BTBD1: variants seen among roughly 807,000 people sequenced by gnomAD.
BTBD1 encodes BTB/POZ domain-containing protein 1.
A neutral mutation model predicts 48.0 loss-of-function variants in BTBD1; 34 were observed. That is an observed-to-expected ratio of 0.71 (90% CI 0.54 to 0.94). The LOEUF (loss-of-function observed/expected upper bound fraction) is 0.94, where lower values mean the gene tolerates loss of function less well. Ranked by LOEUF, BTBD1 falls within the 40% of genes least tolerant of loss-of-function variation. The probability of loss-of-function intolerance (pLI) is 0.00; values close to 1 mark genes in which losing one functional copy is unlikely to be tolerated. For missense variants in BTBD1, 543 were observed against 625.6 expected (o/e 0.87, Z 1.41); for synonymous variants, 261 against 242.1 (o/e 1.08, Z -0.72).
In BTBD1 at chr15:83,041,925, T is replaced by C. The variant is rs1401779075; in HGVS notation, c.665A>G (p.Asp222Gly). 1.9e-6 allele frequency: 3 copies of C among 1,613,748 alleles called. No individual in the cohort carries two copies. Among genetic ancestry groups the C allele is most frequent in the East Asian group, 2.2e-5 (1 of 44,882 alleles). Residue 222 changes from aspartate (D) to glycine (G), a missense_variant and splice_region_variant, in exon 4 of 8, where the codon GAT becomes GGT. Around this residue, in one of 3 missense-constraint regions of BTBD1, gnomAD observed 300 missense variants for 350.0 expected, o/e 0.86. Transcript: ENST00000261721. Reference sequence around the variant, plus strand: ...TCTCTCTAAAACTGCACAGAGTGTATCTATAGGCAAAATACAAAATAAACC... The same window carrying C: ...TCTCTCTAAAACTGCACAGAGTGTACCTATAGGCAAAATACAAAATAAACC... ...SAEGFTDIDI[D>G]TLCAVLERDT... is the part of the protein sequence containing the mutation.
intron 2 of BTBD1, among the ~76,000 whole-genome samples, chr15:83,050,718 A>G (rs997477122): frequency 5.3e-5 from 8 of 152,126 alleles, no homozygotes; most frequent in African/African-American, 1.4e-4. Flanking sequence ...TTTTGAGGAG[A>G]GAATAGGGTA....
At position 83,032,969 on chromosome 15, in the gene BTBD1, C is replaced by CAAAAAAAAA. The variant is rs56152195; in HGVS notation, c.863-2650_863-2642dup. On this transcript the variant is annotated intron_variant, in intron 4 of 7. Coordinates refer to ENST00000261721, the MANE Select transcript of BTBD1 (RefSeq NM_025238.4). ...GCTGGGTGACAGTCTTACTCTGTCT[C>CAAAAAAAAA]AAAAAAAAAAAAAAAAAAACAGAAT... Among the ~76,000 whole-genome samples, 92 of 86,974 alleles carry CAAAAAAAAA rather than the reference C, an allele frequency of 1.1e-3. 5 individuals are homozygous for CAAAAAAAAA. The highest frequency in any genetic ancestry group is 3.5e-3 in the African/African-American group (71 of 20,066). 57.1% of individuals were successfully genotyped at this position (86,974 alleles called of 152,430 possible). A position where few individuals can be genotyped will look rare whatever the true frequency, so the allele number is the denominator to read the frequency against.
Position 83,067,181 on chromosome 15 carries a change from G to C in BTBD1, c.-30C>G. The C allele has an allele frequency of 7.3e-7, 1 of 1,378,206 alleles. No homozygotes were observed. The highest frequency in any genetic ancestry group is 1.8e-5 in the South Asian group (1 of 56,814). The allele number at this position is 1,378,206 out of a possible 1,614,324, so 85.4% of individuals were successfully genotyped here. On this transcript the variant is annotated 5_prime_UTR_variant, in exon 1 of 8. Transcript: ENST00000261721. ...CAGCTGCGCGGTTGCCCACGTTATG[G>C]ACAAAACTCCGCCGCCATCGCCCAG...
chr15:83,035,863 G>A (rs1348161008), intron 4 of BTBD1, among the ~76,000 whole-genome samples: 1 of 151,788 alleles, frequency 6.6e-6, no homozygotes, highest in Non-Finnish European at 1.5e-5. Context: ...ACTTTTGTAT[G>A]AGGACAATTT....
At chr15:83,024,847 C>T (rs1264224948) in intron 5 of BTBD1, among the ~76,000 whole-genome samples, 1 of 152,098 alleles carries the variant, frequency 6.6e-6, no homozygotes, top group Non-Finnish European at 1.5e-5. Context: ...AGTGAGCCAC[C>T]CACTTCAGCC....
intron 1 of BTBD1, 109 bp downstream of exon 1, chr15:83,066,642 A>C: frequency 8.5e-7 from 1 of 1,169,604 alleles, no homozygotes; most frequent in East Asian, 3.3e-5. Context: ...GGGTCAGAAG[A>C]GCCCAGCCCA....
chr15:83,062,841 G>A lies in BTBD1; in HGVS notation c.401+3910C>T, dbSNP rs111494402. On this transcript the variant is annotated intron_variant, in intron 1 of 7. Coordinates refer to ENST00000261721, the MANE Select transcript of BTBD1 (RefSeq NM_025238.4). ...ACCTCGTGCCCCTTCCAGCCATCAC[G>A]TCATTCTCTGTTCCCCTTTGCAACA... 1.2e-3 allele frequency among the ~76,000 whole-genome samples: 190 copies of A among 152,190 alleles called. 1 individual carries two copies. The highest frequency in any genetic ancestry group is 4.3e-3 in the African/African-American group (178 of 41,522).
chr15:83,061,189 G>T (rs1254563117), intron 1 of BTBD1, among the ~76,000 whole-genome samples: 1 of 152,150 alleles, frequency 6.6e-6, no homozygotes, highest in Non-Finnish European at 1.5e-5. Context: ...ACCAGTACAG[G>T]ATGTTACTGT....
chr15:83,035,357 T>C (rs372210228), intron 4 of BTBD1, among the ~76,000 whole-genome samples: 19 of 152,102 alleles, frequency 1.2e-4, no homozygotes, highest in African/African-American at 3.4e-4. Context: ...CCAAAGCAGA[T>C]ATCAACAAAT....
At chr15:83,048,562 C>A (rs2032922716) in intron 3 of BTBD1, among the ~76,000 whole-genome samples, 1 of 152,164 alleles carries the variant, frequency 6.6e-6, no homozygotes, top group Non-Finnish European at 1.5e-5. Flanking sequence ...CACCTCCTTC[C>A]TCTTATACAC....
At chr15:83,023,660 G>C (rs894611829) in intron 5 of BTBD1, among the ~76,000 whole-genome samples, 5 of 152,086 alleles carry the variant, frequency 3.3e-5, no homozygotes, top group Non-Finnish European at 7.4e-5. Flanking sequence ...AAAATGTTTT[G>C]ATTACAGGTG....
chr15:83,048,482 T>C (rs990502535), intron 3 of BTBD1, among the ~76,000 whole-genome samples: 1 of 152,208 alleles, frequency 6.6e-6, no homozygotes. Context: ...TCTACTCTCC[T>C]ACAAGACAAA....
chr15:83,019,090 C>T (rs1363282585), intron 6 of BTBD1, among the ~76,000 whole-genome samples: 2 of 151,454 alleles, frequency 1.3e-5, no homozygotes, highest in East Asian at 1.9e-4. Flanking sequence ...CAGACTCTCT[C>T]ACTCTGTTGC....
chr15:83,039,638 G>GTGGC (rs1346071926), intron 4 of BTBD1, among the ~76,000 whole-genome samples: 2 of 151,792 alleles, frequency 1.3e-5, no homozygotes, highest in Admixed American at 1.3e-4. Flanking sequence ...GCTAAGCTTG[G>GTGGC]TGGCGGGCGG....
rs570619872 is a variant in BTBD1 at position 83,044,824 on chromosome 15, G to A, written c.665-2899C>T. 6 of 1,044,432 alleles carry A rather than the reference G, an allele frequency of 5.7e-6. No homozygotes were observed. In the East Asian group the frequency reaches 7.2e-5, roughly 12 times the overall value. The allele number at this position is 1,044,432 out of a possible 1,614,324, so 64.7% of individuals were successfully genotyped here. A position where few individuals can be genotyped will look rare whatever the true frequency, so the allele number is the denominator to read the frequency against. On this transcript the variant is annotated intron_variant, in intron 3 of 7. Coordinates refer to ENST00000261721, the MANE Select transcript of BTBD1 (RefSeq NM_025238.4). ...TTAACTAATAGAATGATCAAGCTCA[G>A]TTCAATGAGCAAATCTCCATAGTGT...
Position 83,067,065 on chromosome 15 carries a change from GGGCGGC to G in BTBD1, c.81_86del (p.Pro28_Pro29del), listed in dbSNP as rs770368255. ...GCAGGGGCCCCAGAGAGGACGGTGA[GGGCGGC>G]GGCGGCGGCCCCGCGGGGCCCGGCT... On this transcript the variant is annotated inframe_deletion, in exon 1 of 8. Transcript: ENST00000261721. The G allele has an allele frequency of 1.3e-6, 2 of 1,559,802 alleles. No individual in the cohort carries two copies. The highest frequency in any genetic ancestry group is 2.3e-5 in the South Asian group (2 of 86,166).
chr15:83,054,593 C>T (rs1011530173), intron 2 of BTBD1, among the ~76,000 whole-genome samples: 3 of 131,062 alleles, frequency 2.3e-5, no homozygotes, highest in African/African-American at 5.8e-5. Flanking sequence ...GACAGAGTTT[C>T]GCTCTGTCGC....
Position 83,066,951 on chromosome 15 carries a change from C to G in BTBD1, c.201G>C (p.Leu67=). 1.3e-6 allele frequency: 2 copies of G among 1,579,200 alleles called. No individual in the cohort carries two copies. The highest frequency in any genetic ancestry group is 1.7e-6 in the Non-Finnish European group (2 of 1,165,378). Residue 67 remains leucine, a synonymous_variant, in exon 1 of 8, where the codon CTG becomes CTC. Transcript: ENST00000261721. ...CCAGTACGAAGCGCACATCGCTCAG[C>G]AGCTCCGAGTTGAAGAGGAAGGCGA... is the stretch of plus-strand genomic sequence containing the variant. The part of the protein sequence containing the change: ...ERFAFLFNSE[L]LSDVRFVLGK...
Position 83,045,174 on chromosome 15 carries a change from A to G in BTBD1, c.665-3249T>C, listed in dbSNP as rs76588376. Among the ~76,000 whole-genome samples, 281 of 152,346 alleles carry G rather than the reference A, an allele frequency of 1.8e-3. 4 individuals are homozygous for G. In the East Asian group the frequency reaches 0.049, roughly 26 times the overall value. Reference sequence around the variant, plus strand: ...ATATGATTACATTATCCATAAATACATATCAGATAAACATTTCTTTAAATA... The same window carrying G: ...ATATGATTACATTATCCATAAATACGTATCAGATAAACATTTCTTTAAATA... On this transcript the variant is annotated intron_variant, in intron 3 of 7. Coordinates refer to ENST00000261721, the MANE Select transcript of BTBD1 (RefSeq NM_025238.4).
Sources: allele counts gnomAD v4.1 joint callset (sites outside exome capture counted in the v4.1 genomes callset), GRCh38; gene constraint gnomAD v4.1.1; regional missense constraint gnomAD v4.1.1; transcripts MANE v1.5; gene names NCBI Gene and HGNC (gene_info 2026-07-23, HGNC 2026-07-21).